The following ARHGEF7 variants were observed in gnomAD, a reference collection of about 807,000 sequenced individuals.
The protein encoded by ARHGEF7 is PAK-interacting exchange factor beta.
A neutral mutation model predicts 109.8 loss-of-function variants in ARHGEF7; 33 were observed. The ratio of observed to expected loss-of-function variants is 0.30; its 90% CI spans 0.23 to 0.40. ARHGEF7 has a LOEUF of 0.40. ARHGEF7 is among the 10% of genes least tolerant of loss of function. The probability of loss-of-function intolerance (pLI) is 1.00; values close to 1 mark genes in which losing one functional copy is unlikely to be tolerated. For missense variants in ARHGEF7, 938 were observed against 1,098.5 expected, an observed-to-expected ratio of 0.85 and a Z score of 2.07; for synonymous variants, 458 against 424.6, an observed-to-expected ratio of 1.08 and a Z score of -0.97.
chr13:111,240,226 G>A (rs955957872), intron 6 of ARHGEF7, among the ~76,000 whole-genome samples: 2 of 152,138 alleles, frequency 1.3e-5, no homozygotes, highest in African/African-American at 4.8e-5. Flanking sequence ...GTGTGCTGGA[G>A]GCTTTGCAGG....
chr13:111,241,334 G>C (rs1353727232), intron 6 of ARHGEF7: 1 of 1,536,054 alleles, frequency 6.5e-7, no homozygotes, highest in East Asian at 2.4e-5. Flanking sequence ...GGGAAGAAAG[G>C]TGGTAAGTGG....
chr13:111,178,455 G>A (rs757810118), intron 2 of ARHGEF7, among the ~76,000 whole-genome samples: 11 of 152,232 alleles, frequency 7.2e-5, no homozygotes, highest in African/African-American at 2.7e-4. Flanking sequence ...GTGGTCTTCA[G>A]TTCAGAGGTG....
intron 19 of ARHGEF7, chr13:111,292,705 A>G (rs1249566543): frequency 9.6e-7 from 1 of 1,040,324 alleles, no homozygotes; most frequent in Non-Finnish European, 1.2e-6. Flanking sequence ...TTGTGATCTA[A>G]GTGCCAGAAC....
intron 17 of ARHGEF7, among the ~76,000 whole-genome samples, chr13:111,287,296 G>C (rs1239044682): frequency 1.3e-5 from 2 of 152,226 alleles, no homozygotes; most frequent in Non-Finnish European, 2.9e-5. Context: ...CTGGATGCCT[G>C]CTCTGTTGCT....
chr13:111,168,832 T>G (rs2077343457), intron 2 of ARHGEF7, among the ~76,000 whole-genome samples: 1 of 152,230 alleles, frequency 6.6e-6, no homozygotes, highest in Non-Finnish European at 1.5e-5. Context: ...ATAGGTTCCT[T>G]GATGACTGAT....
At chr13:111,178,781 A>AG (rs2078423830) in intron 2 of ARHGEF7, among the ~76,000 whole-genome samples, 1 of 152,202 alleles carries the variant, frequency 6.6e-6, no homozygotes, top group African/African-American at 2.4e-5. Flanking sequence ...TGAGAGTTTG[A>AG]GGGGAAGATT....
chr13:111,153,509 G>A, intron 1 of ARHGEF7: 2 of 550,948 alleles, frequency 3.6e-6, no homozygotes, highest in South Asian at 5.4e-5. Context: ...TCCCTCTACC[G>A]GACCGAGGCC....
intron 2 of ARHGEF7, among the ~76,000 whole-genome samples, chr13:111,197,378 G>A (rs536451826): frequency 3.9e-4 from 60 of 152,232 alleles, no homozygotes; most frequent in African/African-American, 1.3e-3. Flanking sequence ...CCTTACCGAC[G>A]CATTCTCGTA....
At chr13:111,155,373 A>G (rs2076234480) in intron 2 of ARHGEF7, among the ~76,000 whole-genome samples, 1 of 152,266 alleles carries the variant, frequency 6.6e-6, no homozygotes, top group African/African-American at 2.4e-5. Flanking sequence ...GTAGGAATTC[A>G]TAGATTAAAG....
chr13:111,149,019 C>T (rs2075755078), intron 1 of ARHGEF7, among the ~76,000 whole-genome samples: 1 of 152,050 alleles, frequency 6.6e-6, no homozygotes, highest in African/African-American at 2.4e-5. Context: ...GACAGGAAAA[C>T]AAGCGATGCT....
chr13:111,150,294 AATTCT>A (rs1444948185), intron 1 of ARHGEF7, among the ~76,000 whole-genome samples: 1 of 152,202 alleles, frequency 6.6e-6, no homozygotes, highest in Non-Finnish European at 1.5e-5. Context: ...TCCAAGGCAG[AATTCT>A]ATTCTGATAT....
intron 2 of ARHGEF7, among the ~76,000 whole-genome samples, chr13:111,158,837 G>A (rs943746526): frequency 2.6e-5 from 4 of 152,188 alleles, no homozygotes; most frequent in East Asian, 1.9e-4. Flanking sequence ...GAACATATCC[G>A]TTACCTCACA....
chr13:111,134,255 G>A (rs190499348), intron 1 of ARHGEF7, among the ~76,000 whole-genome samples: 27 of 152,234 alleles, frequency 1.8e-4, no homozygotes, highest in African/African-American at 5.8e-4. Context: ...GTAAACATAC[G>A]TGTGCATGTG....
intron 1 of ARHGEF7, among the ~76,000 whole-genome samples, chr13:111,132,211 G>A (rs831163): frequency 0.26 from 39,268 of 152,090 alleles, 5,351 homozygotes; most frequent in Middle Eastern, 0.32. Flanking sequence ...ACATTTTAAA[G>A]TGTGTTCTTT....
intron 1 of ARHGEF7, among the ~76,000 whole-genome samples, chr13:111,135,593 G>A (rs1444424434): frequency 1.3e-5 from 2 of 152,158 alleles, no homozygotes; most frequent in African/African-American, 4.8e-5. Context: ...TTGGCTCTCT[G>A]TTTGTCTGTT....
intron 6 of ARHGEF7, among the ~76,000 whole-genome samples, chr13:111,240,014 A>G (rs190173018): frequency 1.3e-5 from 2 of 152,332 alleles, no homozygotes; most frequent in Admixed American, 6.5e-5. Context: ...CTATAAGCCA[A>G]TGACTGGCAC....
Position 111,258,221 on chromosome 13 carries a change from C to T in ARHGEF7, c.951-9327C>T, listed in dbSNP as rs965974920. On this transcript the variant is annotated intron_variant, in intron 8 of 21. Transcript: ENST00000646102. The surrounding 1 kb of genome is among the most constrained non-coding windows in gnomAD (Gnocchi z 4.4). Reference sequence around the variant, plus strand: ...CCAGGAGAGACTCCTCCCACAACCACAGGCAGTGCAGCCTGCAGCTCCAGG... The same window carrying T: ...CCAGGAGAGACTCCTCCCACAACCATAGGCAGTGCAGCCTGCAGCTCCAGG... 1.3e-5 allele frequency among the ~76,000 whole-genome samples: 2 copies of T among 150,386 alleles called. No individual in the cohort carries two copies. Among genetic ancestry groups the T allele is most frequent in the African/African-American group, 4.9e-5 (2 of 40,712 alleles).
chr13:111,265,602 G>A (rs1452694619), intron 8 of ARHGEF7: 2 of 456,632 alleles, frequency 4.4e-6, no homozygotes, highest in African/African-American at 2.0e-5. Context: ...GGGTTGAAAG[G>A]CATGCCTGCC....
chr13:111,252,337 A>T (rs772366870), intron 8 of ARHGEF7, among the ~76,000 whole-genome samples: 1 of 152,248 alleles, frequency 6.6e-6, no homozygotes, highest in South Asian at 2.1e-4. Flanking sequence ...TTAAGATAAG[A>T]TAGTGAGTGC....
Sources: allele counts gnomAD v4.1 joint callset (sites outside exome capture counted in the v4.1 genomes callset), GRCh38; gene constraint gnomAD v4.1.1; non-coding constraint Gnocchi (gnomAD v3.1); transcripts MANE v1.5; gene names NCBI Gene and HGNC (gene_info 2026-07-23, HGNC 2026-07-21).